The following EPPK1 variants were observed in gnomAD, a reference collection of about 807,000 sequenced individuals.
EPPK1 encodes epiplakin 1, also known as epiplakin.
For missense variants in EPPK1, 3,823 were observed against 3,673.3 expected (o/e 1.04, Z -1.05); for synonymous variants, 1,862 against 1,721.2 (o/e 1.08, Z -2.03).
Position 143,869,163 on chromosome 8 carries a change from C to A in EPPK1, c.4091G>T (p.Gly1364Val), listed in dbSNP as rs1563883349. The change falls in exon 2 of 2, where the codon GGT becomes GTT. Residue 1364 changes from glycine to valine, a missense_variant. Physicochemically the swap from Gly to Val is moderately radical, Grantham distance 109. Transcript: ENST00000615648. The part of the protein sequence containing the change: ...PLLQVQLATG[G>V]VVDPVHGVHL... ...CACCCCGTGGACAGGGTCCACCACA[C>A]CCCCTGTGGCCAGCTGCACCTGCAG... is the stretch of plus-strand genomic sequence containing the variant. 2 of 1,607,430 alleles carry A rather than the reference C, an allele frequency of 1.2e-6. No homozygotes were observed. Among genetic ancestry groups the A allele is most frequent in the East Asian group, 2.2e-5 (1 of 44,868 alleles).
Position 143,868,320 on chromosome 8 carries a change from G to A in EPPK1, c.4934C>T (p.Ala1645Val). 3.7e-6 allele frequency: 6 copies of A among 1,613,162 alleles called. No homozygotes were observed. Among genetic ancestry groups the A allele is most frequent in the Non-Finnish European group, 5.1e-6 (6 of 1,180,012 alleles). The change falls in exon 2 of 2, where the codon GCC becomes GTC. Residue 1645 changes from alanine to valine, a missense_variant. Transcript: ENST00000615648. ...GKETYVKLLS[A>V]ERAVTGYTDP... ...GGTGTAGCCGGTGACGGCGCGCTCG[G>A]CCGACAGCAGCTTCACGTAGGTTTC...
rs1819419047 is a variant in EPPK1 at position 143,873,315 on chromosome 8, G to A, written c.-45-17C>T. ...ACCTCTGTCCTGCAGGGGACAGAAAGGCTCAATCAGGGACCCCGCATGGCC... is the reference window on the plus strand; with the variant it reads ...ACCTCTGTCCTGCAGGGGACAGAAAAGCTCAATCAGGGACCCCGCATGGCC... On this transcript the variant is annotated splice_polypyrimidine_tract_variant and intron_variant, in intron 1 of 1. Transcript: ENST00000615648. The A allele has an allele frequency of 7.0e-6, 10 of 1,430,662 alleles. No individual in the cohort carries two copies. The highest frequency in any genetic ancestry group is 5.9e-5 in the Admixed American group (2 of 33,952). 88.6% of individuals were successfully genotyped at this position (1,430,662 alleles called of 1,614,324 possible).
intron 1 of EPPK1, among the ~76,000 whole-genome samples, chr8:143,877,619 T>A (rs565675101): frequency 6.6e-6 from 1 of 151,908 alleles, no homozygotes; most frequent in Non-Finnish European, 1.5e-5. Flanking sequence ...GGGACAAAGG[T>A]TGGGGAGGCT....
Position 143,866,481 on chromosome 8 carries a change from G to A in EPPK1, c.6773C>T (p.Thr2258Met), listed in dbSNP as rs1433846843. The change falls in exon 2 of 2, where the codon ACG (threonine) becomes ATG (methionine). Residue 2258 changes from threonine (T) to methionine (M), a missense_variant. Transcript: ENST00000615648. ...AMWKGVLRPGTALVLLEAQAA... is the reference protein window; with the variant it reads ...AMWKGVLRPGMALVLLEAQAA... ...CTGCGCCTCCAGCAGCACCAGGGCC[G>A]TGCCGGGCCGCAGCACGCCCTTCCA... 2.2e-5 allele frequency: 34 copies of A among 1,526,618 alleles called. No individual in the cohort carries two copies. The highest frequency in any genetic ancestry group is 1.1e-4 in the South Asian group (9 of 82,106). 94.6% of individuals were successfully genotyped at this position (1,526,618 alleles called of 1,614,324 possible). A position where few individuals can be genotyped will look rare whatever the true frequency, so the allele number is the denominator to read the frequency against.
Position 143,872,209 on chromosome 8 carries a change from T to G in EPPK1, c.1045A>C (p.Ser349Arg), listed in dbSNP as rs1554661469. ...VDEAVRAGLV[S>R]PELHEQLLVA... ...AGGAGCTGCTCATGGAGCTCTGGGC[T>G]GACCAGGCCCGCCCTGACTGCCTCG... The change falls in exon 2 of 2, where the codon AGC (serine) becomes CGC (arginine). Residue 349 changes from serine to arginine, a missense_variant. Coordinates refer to ENST00000615648, the MANE Select transcript of EPPK1 (RefSeq NM_031308.4). The G allele has an allele frequency of 6.2e-7, 1 of 1,607,516 alleles. No individual in the cohort carries two copies. The highest frequency in any genetic ancestry group is 1.7e-5 in the Admixed American group (1 of 59,518).
chr8:143,870,662 C>T lies in EPPK1; in HGVS notation c.2592G>A (p.Val864=), dbSNP rs1819313128. 6.2e-7 allele frequency: 1 copy of T among 1,607,570 alleles called. No individual in the cohort carries two copies. The highest frequency in any genetic ancestry group is 1.1e-5 in the South Asian group (1 of 90,232). Residue 864 remains valine (V), a synonymous_variant, in exon 2 of 2, where the codon GTG becomes GTA. Coordinates refer to ENST00000615648, the MANE Select transcript of EPPK1 (RefSeq NM_031308.4). This position sits in a 1 kb window ranked among gnomAD's most constrained non-coding sequence, Gnocchi z 5.2. ...YRQREVTLGQ[V]AKLLEAETQR... is the part of the protein sequence containing the mutation. ...GCGTCTCCGCCTCCAGCAGCTTTGCCACCTGCCCCAGCGTGACCTCGCGCT... is the reference window on the plus strand; with the variant it reads ...GCGTCTCCGCCTCCAGCAGCTTTGCTACCTGCCCCAGCGTGACCTCGCGCT...
chr8:143,859,451 G>C lies in EPPK1; in HGVS notation c.13803C>G (p.Asp4601Glu). The C allele has an allele frequency of 2.4e-6, 1 of 419,904 alleles. No homozygotes were observed. Among genetic ancestry groups the C allele is most frequent in the South Asian group, 4.7e-5 (1 of 21,438 alleles). 26.0% of individuals were successfully genotyped at this position (419,904 alleles called of 1,614,324 possible). Reference protein sequence around the residue: ...ELLFYREVSEDRRQDLLSRYR... With the variant: ...ELLFYREVSEERRQDLLSRYR... ...ATCTGCTCAGCAGGTCCTGGCGCCG[G>C]TCCTCGGACACCTCGCGGTAGAAGA... Residue 4601 changes from aspartate (D) to glutamate (E), a missense_variant, in exon 2 of 2, where the codon GAC becomes GAG. Transcript: ENST00000615648.
chr8:143,867,395 C>G lies in EPPK1; in HGVS notation c.5859G>C (p.Glu1953Asp), dbSNP rs1554659459. Reference protein sequence around the residue: ...PCTRQKLSVDEAVDVGLVNEE... With the variant: ...PCTRQKLSVDDAVDVGLVNEE... ...CGTTCACCAGGCCCACATCCACAGCCTCATCCACAGAGAGCTTCTGGCGGG... is the reference window on the plus strand; with the variant it reads ...CGTTCACCAGGCCCACATCCACAGCGTCATCCACAGAGAGCTTCTGGCGGG... Residue 1953 changes from glutamate to aspartate, a missense_variant, in exon 2 of 2, where the codon GAG (glutamate) becomes GAC (aspartate). Transcript: ENST00000615648. 1 of 1,612,914 alleles carries G rather than the reference C, an allele frequency of 6.2e-7. No individual in the cohort carries two copies. Among genetic ancestry groups the G allele is most frequent in the Admixed American group, 1.7e-5 (1 of 60,032 alleles).
In EPPK1 at chr8:143,871,442, C is replaced by A; in HGVS notation, c.1812G>T (p.Arg604Ser). Residue 604 changes from arginine to serine, a missense_variant, in exon 2 of 2, where the codon AGG becomes AGT. By Grantham distance (110) the Arg-to-Ser change is moderately radical (BLOSUM62 -1). Transcript: ENST00000615648. Reference sequence around the variant, plus strand: ...CAATGCAGCCCGTACCCTGCAGGTACCTCTGCACCGAGGCCAGGCTGCCCA... The same window carrying A: ...CAATGCAGCCCGTACCCTGCAGGTAACTCTGCACCGAGGCCAGGCTGCCCA... The part of the protein sequence containing the change: ...KDVGSLASVQ[R>S]YLQGTGCIAG... 6.2e-7 allele frequency: 1 copy of A among 1,605,886 alleles called. No homozygotes were observed. The highest frequency in any genetic ancestry group is 8.5e-7 in the Non-Finnish European group (1 of 1,177,368).
rs782013726 is a variant in EPPK1, at chr8:143,871,971, G to C, written c.1283C>G (p.Thr428Ser). Residue 428 changes from threonine to serine, a missense_variant, in exon 2 of 2, where the codon ACT becomes AGT. Thr to Ser is a moderately conservative substitution (Grantham distance 58). Coordinates refer to ENST00000615648, the MANE Select transcript of EPPK1 (RefSeq NM_031308.4). ...GCCAGCCTGCGAGAGCTGCCGCTGA[G>C]TGTCTTCATCCAGGCAGCCGCAGCG... ...ALRCGCLDED[T>S]QRQLSQAGSF... is the part of the protein sequence containing the mutation. 4 of 1,595,300 alleles carry C rather than the reference G, an allele frequency of 2.5e-6. No individual in the cohort carries two copies. In the African/African-American group the frequency reaches 5.5e-5, roughly 22 times the overall value.
intron 1 of EPPK1, 113 bp from the exon 2 acceptor site, chr8:143,873,411 C>A: frequency 1.4e-6 from 1 of 730,766 alleles, no homozygotes; most frequent in Non-Finnish European, 2.0e-6. Context: ...CACCCACAGA[C>A]GTGCAGCTAG....
chr8:143,867,564 C>A lies in EPPK1; in HGVS notation c.5690G>T (p.Gly1897Val), dbSNP rs781839108. ...GGGCACCGTGACCCCCGCAATGCAGCCGCTGCCTTCCAGATAGGGCTTCAC... is the reference window on the plus strand; with the variant it reads ...GGGCACCGTGACCCCCGCAATGCAGACGCTGCCTTCCAGATAGGGCTTCAC... ...ECVKPYLEGSGCIAGVTVPST... is the reference protein window; with the variant it reads ...ECVKPYLEGSVCIAGVTVPST... The change falls in exon 2 of 2, where the codon GGC (glycine) becomes GTC (valine). Residue 1897 changes from glycine to valine, a missense_variant. Coordinates refer to ENST00000615648, the MANE Select transcript of EPPK1 (RefSeq NM_031308.4). 1.2e-6 allele frequency: 2 copies of A among 1,612,876 alleles called. No homozygotes were observed. The highest frequency in any genetic ancestry group is 1.7e-6 in the Non-Finnish European group (2 of 1,179,836).
At position 143,869,079 on chromosome 8, in the gene EPPK1, A is replaced by C. The variant is rs1554660209; in HGVS notation, c.4175T>G (p.Val1392Gly). Residue 1392 changes from valine (V) to glycine (G), a missense_variant, in exon 2 of 2, where the codon GTG becomes GGG. By Grantham distance (109) the Val-to-Gly change is moderately radical. Transcript: ENST00000615648. ...GTTGTCCTTGTCAACTGCAGTCAGC[A>C]CCTGGCTCGTCTGTGTGTCCAGAAG... Reference protein sequence around the residue: ...LGLLDTQTSQVLTAVDKDNKF... With the variant: ...LGLLDTQTSQGLTAVDKDNKF... 6.2e-7 allele frequency: 1 copy of C among 1,607,982 alleles called. No homozygotes were observed. Among genetic ancestry groups the C allele is most frequent in the Admixed American group, 1.7e-5 (1 of 60,014 alleles).
At position 143,872,493 on chromosome 8, in the gene EPPK1, T is replaced by A; in HGVS notation, c.761A>T (p.Asp254Val). 1 of 1,594,750 alleles carries A rather than the reference T, an allele frequency of 6.3e-7. No individual in the cohort carries two copies. Residue 254 changes from aspartate to valine, a missense_variant, in exon 2 of 2, where the codon GAC becomes GTC. Transcript: ENST00000615648. ...CCGCAGACCCTGCACAGCCTGCTCG[T>A]CCAGGATGCCCACCTCCAGCAGCTC... Reference protein sequence around the residue: ...AAELLEVGILDEQAVQGLREG... With the variant: ...AAELLEVGILVEQAVQGLREG...
In EPPK1 at chr8:143,857,993, TAG is replaced by T. The variant is rs782277909; in HGVS notation, c.15259_15260del (p.Leu5087ThrfsTer67). 8 of 1,598,974 alleles carry T rather than the reference TAG, an allele frequency of 5.0e-6. No homozygotes were observed. Among genetic ancestry groups the T allele is most frequent in the African/African-American group, 4.1e-5 (3 of 73,990 alleles). On this transcript the variant is annotated frameshift_variant, in exon 2 of 2. Coordinates refer to ENST00000615648, the MANE Select transcript of EPPK1 (RefSeq NM_031308.4). LOFTEE classifies it high-confidence loss of function. ...ETGLLFLSLSLQ is the reference protein window; with the variant it reads ...ETGLLFLSLSXQ Reference sequence around the variant, plus strand: ...CTGCACGGAGGAAGCCCAGTCACTGTAGAGAGAGAGAAAGAAATAGGAGCCCC... The same window carrying T: ...CTGCACGGAGGAAGCCCAGTCACTGTAGAGAGAGAAAGAAATAGGAGCCCC...
In EPPK1 at chr8:143,872,242, A is replaced by G; in HGVS notation, c.1012T>C (p.Trp338Arg). Reference protein sequence around the residue: ...LVDPITGQRLWVDEAVRAGLV... With the variant: ...LVDPITGQRLRVDEAVRAGLV... ...CCCGCCCTGACTGCCTCGTCTACCC[A>G]CAGCCGCTGGCCTGTGATGGGGTCC... The change falls in exon 2 of 2, where the codon TGG becomes CGG. Residue 338 changes from tryptophan to arginine, a missense_variant. Transcript: ENST00000615648. 1 of 1,609,822 alleles carries G rather than the reference A, an allele frequency of 6.2e-7. No individual in the cohort carries two copies. The highest frequency in any genetic ancestry group is 2.2e-5 in the East Asian group (1 of 44,834).
chr8:143,857,462 C>G lies in EPPK1; in HGVS notation c.*525G>C, dbSNP rs1368219930. 6.5e-6 allele frequency: 1 copy of G among 154,286 alleles called. No homozygotes were observed. Among genetic ancestry groups the G allele is most frequent in the African/African-American group, 2.4e-5 (1 of 41,496 alleles). 9.6% of individuals were successfully genotyped at this position (154,286 alleles called of 1,614,324 possible). A position where few individuals can be genotyped will look rare whatever the true frequency, so the allele number is the denominator to read the frequency against. Reference sequence around the variant, plus strand: ...GCAGCAGCCAATGGAGAGAATAAAGCCCATGCTTTTGGCCAGCACAGCAGC... The same window carrying G: ...GCAGCAGCCAATGGAGAGAATAAAGGCCATGCTTTTGGCCAGCACAGCAGC... On this transcript the variant is annotated 3_prime_UTR_variant, in exon 2 of 2. Transcript: ENST00000615648.
At position 143,867,793 on chromosome 8, in the gene EPPK1, T is replaced by C; in HGVS notation, c.5461A>G (p.Ser1821Gly). The C allele has an allele frequency of 6.2e-7, 1 of 1,613,648 alleles. No homozygotes were observed. Among genetic ancestry groups the C allele is most frequent in the South Asian group, 1.1e-5 (1 of 91,080 alleles). Residue 1821 changes from serine (S) to glycine (G), a missense_variant, in exon 2 of 2, where the codon AGT (serine) becomes GGT (glycine). Physicochemically the swap from Ser to Gly is moderately conservative, Grantham distance 56 (BLOSUM62 0). Coordinates refer to ENST00000615648, the MANE Select transcript of EPPK1 (RefSeq NM_031308.4). Reference sequence around the variant, plus strand: ...TCCAGCAATTTCTCCAGGCCCCCACTCTGGGCTCCATACTCCTGGATGAGC... The same window carrying C: ...TCCAGCAATTTCTCCAGGCCCCCACCCTGGGCTCCATACTCCTGGATGAGC... ...RELIQEYGAQ[S>G]GGLEKLLEII... is the part of the protein sequence containing the mutation.
intron 1 of EPPK1, among the ~76,000 whole-genome samples, chr8:143,877,647 T>TCA (rs1219186784): frequency 6.6e-6 from 1 of 151,960 alleles, no homozygotes; most frequent in African/African-American, 2.4e-5. Context: ...CCTGCCTGAG[T>TCA]CAGGTCAGGA....
Sources: allele counts gnomAD v4.1 joint callset (sites outside exome capture counted in the v4.1 genomes callset), GRCh38; gene constraint gnomAD v4.1.1; non-coding constraint Gnocchi (gnomAD v3.1); transcripts MANE v1.5; gene names NCBI Gene and HGNC (gene_info 2026-07-23, HGNC 2026-07-21).